ARL6IP6: variants seen among roughly 807,000 people sequenced by gnomAD.
ARL6IP6 encodes the protein ARF like GTPase 6 interacting protein 6.
A neutral mutation model predicts 21.5 loss-of-function variants in ARL6IP6; 22 were observed. That is an observed-to-expected ratio of 1.02 (90% CI 0.73 to 1.46). ARL6IP6 has a LOEUF of 1.46. Among genes scored for constraint, ARL6IP6 ranks in the 40% most tolerant of loss-of-function variants. The pLI is 0.00. For missense variants in ARL6IP6, 388 were observed against 299.8 expected, an observed-to-expected ratio of 1.29 and a Z score of -2.17; for synonymous variants, 164 against 125.3, an observed-to-expected ratio of 1.31 and a Z score of -2.06.
At chr2:152,719,238 A>G (rs1699563148) in intron 1 of ARL6IP6, among the ~76,000 whole-genome samples, 1 of 152,214 alleles carries the variant, frequency 6.6e-6, no homozygotes, top group Non-Finnish European at 1.5e-5. Flanking sequence ...TATTTTTAAA[A>G]AGGATCGTTT....
chr2:152,726,782 G>C (rs976030055), intron 2 of ARL6IP6, among the ~76,000 whole-genome samples: 3 of 152,112 alleles, frequency 2.0e-5, no homozygotes, highest in African/African-American at 7.2e-5. Context: ...CAGTGGAGCT[G>C]AAAAATTCCT....
At chr2:152,736,878 A>C (rs1316139997) in intron 3 of ARL6IP6, among the ~76,000 whole-genome samples, 1 of 152,226 alleles carries the variant, frequency 6.6e-6, no homozygotes, top group Non-Finnish European at 1.5e-5. Context: ...TTATAGGCTA[A>C]TACCATGCCA....
rs764029531 is a variant in ARL6IP6, at chr2:152,718,687, C to T, written c.63C>T (p.Gly21=). The T allele has an allele frequency of 5.0e-6, 8 of 1,592,172 alleles. No individual in the cohort carries two copies. The highest frequency in any genetic ancestry group is 6.9e-6 in the Non-Finnish European group (8 of 1,167,692). The change falls in exon 1 of 4, where the codon GGC becomes GGT. Residue 21 remains glycine (G), a synonymous_variant. Coordinates refer to ENST00000326446, the MANE Select transcript of ARL6IP6 (RefSeq NM_152522.7). ...ALRRRGPGTP[G]PVARPSYSSF... ...GGCGCCGCGGTCCCGGCACCCCGGG[C>T]CCTGTGGCTCGGCCATCGTATTCCT...
chr2:152,754,847 A>G (rs899158861), intron 3 of ARL6IP6, among the ~76,000 whole-genome samples: 4 of 152,012 alleles, frequency 2.6e-5, no homozygotes, highest in Admixed American at 1.3e-4. Context: ...TCAGCTTTTC[A>G]TGTCCTTATT....
chr2:152,738,577 T>G (rs1700655597), intron 3 of ARL6IP6, among the ~76,000 whole-genome samples: 1 of 152,202 alleles, frequency 6.6e-6, no homozygotes, highest in African/African-American at 2.4e-5. Flanking sequence ...CAACACCACA[T>G]GTAAGCCACC....
At chr2:152,736,180 A>G (rs1385458049) in intron 3 of ARL6IP6, among the ~76,000 whole-genome samples, 3 of 152,158 alleles carry the variant, frequency 2.0e-5, no homozygotes, top group Non-Finnish European at 4.4e-5. Flanking sequence ...ATTGACTAAG[A>G]GTTAAGCCTA....
At chr2:152,742,627 G>A (rs1369464053) in intron 3 of ARL6IP6, among the ~76,000 whole-genome samples, 1 of 151,164 alleles carries the variant, frequency 6.6e-6, no homozygotes, top group African/African-American at 2.4e-5. Flanking sequence ...TTGGCCATTG[G>A]CAGCAGAACT....
At chr2:152,731,351 T>G (rs890144859) in intron 2 of ARL6IP6, among the ~76,000 whole-genome samples, 1 of 152,182 alleles carries the variant, frequency 6.6e-6, no homozygotes, top group African/African-American at 2.4e-5. Context: ...TTACTGAGCT[T>G]CACAAGATTT....
chr2:152,741,457 A>T (rs976482858), intron 3 of ARL6IP6, among the ~76,000 whole-genome samples: 1 of 151,836 alleles, frequency 6.6e-6, no homozygotes, highest in Non-Finnish European at 1.5e-5. Context: ...GACCATATTT[A>T]CTGTGACTAT....
intron 3 of ARL6IP6, among the ~76,000 whole-genome samples, chr2:152,738,294 C>G (rs1394338773): frequency 6.6e-6 from 1 of 152,206 alleles, no homozygotes; most frequent in African/African-American, 2.4e-5. Context: ...GAGTCTGCAG[C>G]TTTTCCAGGC....
At chr2:152,720,810 G>A (rs1559221101) in intron 2 of ARL6IP6, among the ~76,000 whole-genome samples, 1 of 152,120 alleles carries the variant, frequency 6.6e-6, no homozygotes, top group African/African-American at 2.4e-5. Context: ...TTTTAATGGG[G>A]CCAGGTGCAG....
rs1699976103 is a variant in ARL6IP6 at position 152,725,059 on chromosome 2, AATT to A, written c.454+4477_454+4479del. Among the ~76,000 whole-genome samples, 4 of 152,260 alleles carry A rather than the reference AATT, an allele frequency of 2.6e-5. No homozygotes were observed. The South Asian group carries it at 8.3e-4, about 32-fold the overall frequency. ...CTCATTGGACCATTTTTCATTTCTG[AATT>A]ATTTCGAGCAGTTCTGTTTGTAAGG... On this transcript the variant is annotated intron_variant, in intron 2 of 3. Transcript: ENST00000326446.
chr2:152,737,830 T>C (rs766620901), intron 3 of ARL6IP6, among the ~76,000 whole-genome samples: 2 of 152,004 alleles, frequency 1.3e-5, no homozygotes, highest in Non-Finnish European at 2.9e-5. Context: ...AGCCAAACCA[T>C]GTCATTCTGC....
In ARL6IP6 at chr2:152,724,041, A is replaced by G. The variant is rs147756112; in HGVS notation, c.454+3455A>G. On this transcript the variant is annotated intron_variant, in intron 2 of 3. Coordinates refer to ENST00000326446, the MANE Select transcript of ARL6IP6 (RefSeq NM_152522.7). The stretch of plus-strand genomic sequence containing the variant: ...TCATCTAAAAAGTCACAAATATCCT[A>G]TTCTATAGCACAATTTTTGTAAAAT... 5.3e-3 allele frequency among the ~76,000 whole-genome samples: 789 copies of G among 150,192 alleles called. 5 individuals are homozygous for G. The highest frequency in any genetic ancestry group is 0.018 in the African/African-American group (756 of 40,900).
chr2:152,740,127 T>C (rs1700740662), intron 3 of ARL6IP6, among the ~76,000 whole-genome samples: 1 of 152,180 alleles, frequency 6.6e-6, no homozygotes, highest in Non-Finnish European at 1.5e-5. Context: ...AGACAAGGTC[T>C]GGTTTGGTTC....
intron 2 of ARL6IP6, among the ~76,000 whole-genome samples, chr2:152,729,658 C>A (rs984961879): frequency 1.3e-5 from 2 of 151,908 alleles, no homozygotes; most frequent in African/African-American, 4.8e-5. Context: ...AAATGCAGAA[C>A]CATTTTTCTG....
chr2:152,738,385 C>T (rs906551710), intron 3 of ARL6IP6, among the ~76,000 whole-genome samples: 2 of 152,242 alleles, frequency 1.3e-5, no homozygotes, highest in South Asian at 2.1e-4. Context: ...CCCGTGGGGA[C>T]TTTGTGTGGG....
rs1701797850 is a variant in ARL6IP6, at chr2:152,760,614, G to A, written c.*774G>A. The stretch of plus-strand genomic sequence containing the variant: ...TTTTAACAAAAAATGCCTGAAAAAA[G>A]CTAAATTATTTAAGTCATTAAGATA... On this transcript the variant is annotated 3_prime_UTR_variant, in exon 4 of 4. Transcript: ENST00000326446. The A allele has an allele frequency of 2.0e-5, 3 of 151,550 alleles. No homozygotes were observed. The highest frequency in any genetic ancestry group is 7.2e-5 in the African/African-American group (3 of 41,386). The allele number at this position is 151,550 out of a possible 1,614,324, so 9.4% of individuals were successfully genotyped here.
At chr2:152,747,797 C>G (rs1252490013) in intron 3 of ARL6IP6, among the ~76,000 whole-genome samples, 2 of 152,146 alleles carry the variant, frequency 1.3e-5, no homozygotes, top group Admixed American at 6.5e-5. Flanking sequence ...TCTCAAACTC[C>G]TGGCTTCAAG....
Sources: gnomAD v4.1 joint callset for allele counts (sites outside exome capture counted in the v4.1 genomes callset) on GRCh38, gnomAD v4.1.1 for gene constraint, MANE v1.5 for transcripts, NCBI Gene and HGNC (gene_info 2026-07-23, HGNC 2026-07-21) for gene names.